Variants in MAP4 observed in about 807,000 individuals in gnomAD.
MAP4 encodes the protein microtubule-associated protein 4.
MAP4 carries 76 observed loss-of-function variants against 170.2 expected under a neutral mutation model. The observed-to-expected ratio is 0.45, with a 90% CI of 0.37 to 0.54. The LOEUF is 0.54. MAP4 is among the 20% of genes least tolerant of loss of function. The pLI, the probability that MAP4 is intolerant of heterozygous loss-of-function variation, is 0.00. For missense variants in MAP4, 2,506 were observed against 2,748.0 expected (o/e 0.91, Z 1.97); for synonymous variants, 909 against 994.5 (o/e 0.91, Z 1.62).
intron 2 of MAP4, among the ~76,000 whole-genome samples, chr3:47,994,529 A>G (rs916602583): frequency 6.6e-6 from 1 of 152,228 alleles, no homozygotes; most frequent in African/African-American, 2.4e-5. Flanking sequence ...GGATAAGGAC[A>G]GTGAGGTGGT....
intron 2 of MAP4, among the ~76,000 whole-genome samples, chr3:47,997,638 T>C (rs976227409): frequency 1.3e-5 from 2 of 149,498 alleles, no homozygotes; most frequent in African/African-American, 4.9e-5. Flanking sequence ...AGAAAGACAA[T>C]AGAAAAAAAT....
chr3:47,916,203 C>A lies in MAP4; in HGVS notation c.1624G>T (p.Val542Leu), dbSNP rs2100038895. The A allele has an allele frequency of 6.2e-7, 1 of 1,614,194 alleles. No individual in the cohort carries two copies. The highest frequency in any genetic ancestry group is 8.5e-7 in the Non-Finnish European group (1 of 1,180,040). Residue 542 changes from valine (V) to leucine (L), a missense_variant, in exon 7 of 21, where the codon GTG (valine) becomes TTG (leucine). Physicochemically the swap from Val to Leu is conservative, Grantham distance 32. Coordinates refer to ENST00000683076, the MANE Select transcript of MAP4 (RefSeq NM_001385682.1). ...KNVCLPPEMEVALTEDQVPAL... is the reference protein window; with the variant it reads ...KNVCLPPEMELALTEDQVPAL... ...GGGACCTGATCCTCAGTCAGGGCCA[C>A]CTCCATTTCTGGAGGCAGACATACG...
chr3:47,996,647 C>G (rs1040388400), intron 2 of MAP4, among the ~76,000 whole-genome samples: 1 of 151,976 alleles, frequency 6.6e-6, no homozygotes, highest in Non-Finnish European at 1.5e-5. Context: ...AATGACTAAA[C>G]CCAAGAGACA....
chr3:47,882,346 T>C (rs1460455176), intron 10 of MAP4, among the ~76,000 whole-genome samples: 9 of 152,180 alleles, frequency 5.9e-5, no homozygotes, highest in Admixed American at 5.9e-4. Context: ...AAGTCTGATA[T>C]TTTATTTTTT....
Position 47,910,268 on chromosome 3 carries a change from T to C in MAP4, c.4153A>G (p.Ile1385Val). 1 of 1,603,986 alleles carries C rather than the reference T, an allele frequency of 6.2e-7. No homozygotes were observed. Reference protein sequence around the residue: ...SPEKHILENKIDATKIHVPME... With the variant: ...SPEKHILENKVDATKIHVPME... ...GGAACATGTATTTTTGTTGCATCTA[T>C]CTTATTCTCCAGAATGTGCTTCTCA... The change falls in exon 9 of 21, where the codon ATA becomes GTA. Residue 1385 changes from isoleucine to valine, a missense_variant. Physicochemically the swap from Ile to Val is conservative, Grantham distance 29 (BLOSUM62 3). Transcript: ENST00000683076.
chr3:48,050,905 C>G (rs953900279), intron 1 of MAP4, among the ~76,000 whole-genome samples: 1 of 106,078 alleles, frequency 9.4e-6, no homozygotes, highest in Admixed American at 1.0e-4. Context: ...AACTCCATCT[C>G]AAAAAAAAAA....
chr3:47,967,898 G>T (rs915025058), intron 3 of MAP4, among the ~76,000 whole-genome samples: 1 of 151,394 alleles, frequency 6.6e-6, no homozygotes, highest in African/African-American at 2.4e-5. Flanking sequence ...AGAGTTCCAG[G>T]CTGCTATGAT....
chr3:47,995,834 T>C (rs1272359174), intron 2 of MAP4, among the ~76,000 whole-genome samples: 1 of 151,978 alleles, frequency 6.6e-6, no homozygotes, highest in Admixed American at 6.6e-5. Context: ...GAACACCAGC[T>C]CTCCTGTATC....
chr3:47,900,059 C>T (rs574252114), intron 10 of MAP4, among the ~76,000 whole-genome samples: 1 of 152,288 alleles, frequency 6.6e-6, no homozygotes, highest in African/African-American at 2.4e-5. Context: ...GTTACCAAGG[C>T]AACACTACTT....
chr3:47,892,233 C>G (rs1559934217), intron 10 of MAP4: 2 of 1,536,412 alleles, frequency 1.3e-6, no homozygotes, highest in East Asian at 2.4e-5. Flanking sequence ...ATGCTCAGCT[C>G]TTTGTCTAGC....
At chr3:47,966,228 C>CTT (rs757460367) in intron 3 of MAP4, among the ~76,000 whole-genome samples, 905 of 50,236 alleles carry the variant, frequency 0.018, 251 homozygotes, top group Non-Finnish European at 0.024. Context: ...CCCACACTAC[C>CTT]TTTTTTTTTT....
At chr3:47,969,496 A>C (rs2100077258) in intron 3 of MAP4, among the ~76,000 whole-genome samples, 1 of 152,102 alleles carries the variant, frequency 6.6e-6, no homozygotes, top group Non-Finnish European at 1.5e-5. Context: ...GAAGGATCTC[A>C]TCCTCTATGG....
chr3:47,871,093 C>A lies in MAP4; in HGVS notation c.6014G>T (p.Arg2005Leu). 4 of 1,605,058 alleles carry A rather than the reference C, an allele frequency of 2.5e-6. No homozygotes were observed. Among genetic ancestry groups the A allele is most frequent in the South Asian group, 1.1e-5 (1 of 90,488 alleles). The change falls in exon 15 of 21, where the codon CGC becomes CTC. Residue 2005 changes from arginine (R) to leucine (L), a missense_variant. By Grantham distance (102) the Arg-to-Leu change is moderately radical. Coordinates refer to ENST00000683076, the MANE Select transcript of MAP4 (RefSeq NM_001385682.1). ...TAKSVPADLS[R>L]PKSTSTSSMK... ...GGAACTGGTGGAGGTGCTCTTTGGG[C>A]GACTCAAGTCAGCTGCAAAGAAGGG...
intron 10 of MAP4, among the ~76,000 whole-genome samples, chr3:47,895,469 A>C (rs2100026334): frequency 6.6e-6 from 1 of 152,232 alleles, no homozygotes; most frequent in Non-Finnish European, 1.5e-5. Flanking sequence ...TATCTTCAGT[A>C]ACCTTTCTGT....
At chr3:48,007,473 G>A (rs544916260) in intron 1 of MAP4, among the ~76,000 whole-genome samples, 42 of 152,296 alleles carry the variant, frequency 2.8e-4, no homozygotes, top group African/African-American at 1.0e-3. Flanking sequence ...AACAGGAGAA[G>A]GCTCTGCAAC....
At chr3:47,996,141 G>T (rs548397683) in intron 2 of MAP4, among the ~76,000 whole-genome samples, 1 of 152,252 alleles carries the variant, frequency 6.6e-6, no homozygotes, top group South Asian at 2.1e-4. Context: ...CTCCCACTGG[G>T]ATCTTTCTCT....
intron 12 of MAP4, among the ~76,000 whole-genome samples, chr3:47,874,533 T>C (rs1455618253): frequency 6.6e-6 from 1 of 152,172 alleles, no homozygotes; most frequent in Non-Finnish European, 1.5e-5. Context: ...ACTTCATTTA[T>C]ATGATTATTA....
chr3:47,987,700 C>T (rs1467635887), intron 2 of MAP4, among the ~76,000 whole-genome samples: 1 of 152,232 alleles, frequency 6.6e-6, no homozygotes, highest in Non-Finnish European at 1.5e-5. Context: ...CTTTCCCCAT[C>T]TCAGATGATG....
chr3:48,007,807 G>A (rs2100103196), intron 1 of MAP4, among the ~76,000 whole-genome samples: 1 of 151,966 alleles, frequency 6.6e-6, no homozygotes, highest in South Asian at 2.1e-4. Flanking sequence ...CAAGTAGCTG[G>A]GAATACAGGT....
Sources: gnomAD v4.1 joint callset for allele counts (sites outside exome capture counted in the v4.1 genomes callset) on GRCh38, gnomAD v4.1.1 for gene constraint, MANE v1.5 for transcripts, NCBI Gene and HGNC (gene_info 2026-07-23, HGNC 2026-07-21) for gene names.